The following PREX2 variants were observed in gnomAD, a reference collection of about 807,000 sequenced individuals.
PREX2 encodes the protein phosphatidylinositol-3,4,5-trisphosphate dependent Rac exchange factor 2.
PREX2 carries 107 observed loss-of-function variants against 203.2 expected under a neutral mutation model. The observed-to-expected ratio is 0.53, with a 90% CI of 0.45 to 0.62. PREX2 has a LOEUF of 0.62. PREX2 is among the 20% of genes least tolerant of loss of function. The pLI is 0.00. For synonymous variants in PREX2, 672 were observed against 663.6 expected (o/e 1.01, Z -0.19); for missense variants, 1,777 against 1,955.9 (o/e 0.91, Z 1.72).
intron 35 of PREX2, chr8:68,176,964 G>GT (rs1166671865): frequency 2.0e-5 from 3 of 150,634 alleles, no homozygotes; most frequent in Non-Finnish European, 4.4e-5. Flanking sequence ...AGAGACAATT[G>GT]TTAAAAAAAA....
rs1018478359 is a variant in PREX2 at position 68,231,613 on chromosome 8, G to C, written c.*235G>C. On this transcript the variant is annotated 3_prime_UTR_variant, in exon 40 of 40. Coordinates refer to ENST00000288368, the MANE Select transcript of PREX2 (RefSeq NM_024870.4). ...CAGCTTCACGAACTGATGTCTCTCT[G>C]TATTGACATTAAGTATTCACTTTTA... The C allele has an allele frequency of 2.7e-6, 1 of 372,890 alleles. No homozygotes were observed. 23.1% of individuals were successfully genotyped at this position (372,890 alleles called of 1,614,324 possible). A position where few individuals can be genotyped will look rare whatever the true frequency, so the allele number is the denominator to read the frequency against.
chr8:68,116,001 A>G lies in PREX2; in HGVS notation c.3326+69A>G, dbSNP rs1372176338. The G allele has an allele frequency of 5.8e-6, 8 of 1,390,652 alleles. No homozygotes were observed. In the East Asian group the frequency reaches 1.7e-4, roughly 29 times the overall value. 86.1% of individuals were successfully genotyped at this position (1,390,652 alleles called of 1,614,324 possible). On this transcript the variant is annotated intron_variant, in intron 26 of 39. Coordinates refer to ENST00000288368, the MANE Select transcript of PREX2 (RefSeq NM_024870.4). Reference sequence around the variant, plus strand: ...ATATGATGCTGGATTTTCCACAAAGATCTTGAAAAAAGTTTTTGATTGTTT... The same window carrying G: ...ATATGATGCTGGATTTTCCACAAAGGTCTTGAAAAAAGTTTTTGATTGTTT...
chr8:68,107,479 A>G (rs1810439861), intron 23 of PREX2, among the ~76,000 whole-genome samples: 1 of 152,182 alleles, frequency 6.6e-6, no homozygotes, highest in Non-Finnish European at 1.5e-5. Context: ...CATATAAATC[A>G]TGTGAGTATC....
At chr8:68,007,201 A>G (rs1017472815) in intron 1 of PREX2, among the ~76,000 whole-genome samples, 2 of 152,200 alleles carry the variant, frequency 1.3e-5, no homozygotes, top group Non-Finnish European at 2.9e-5. Context: ...TTTGAAACAT[A>G]AAAGGATTAT....
At chr8:68,077,345 C>A in intron 14 of PREX2, 52 bp from the exon 15 acceptor site, 1 of 1,315,616 alleles carries the variant, frequency 7.6e-7, no homozygotes, top group South Asian at 1.2e-5. Flanking sequence ...GCAAAGCTGC[C>A]ACAAAGCCTT....
rs373447999 is a variant in PREX2 at position 68,191,728 on chromosome 8, C to T, written c.4353C>T (p.Phe1451=). 5 of 1,607,100 alleles carry T rather than the reference C, an allele frequency of 3.1e-6. No homozygotes were observed. In the African/African-American group the frequency reaches 6.7e-5, roughly 21 times the overall value. Residue 1451 remains phenylalanine, a synonymous_variant, in exon 36 of 40, where the codon TTC becomes TTT. Coordinates refer to ENST00000288368, the MANE Select transcript of PREX2 (RefSeq NM_024870.4). ...ATTTCTTGGATTCTTACAGGGCATT[C>T]TACTTGGACAAGTCAAATTCACCAC... ...VKQYNQKLRA[F]YLDKSNSPPN...
intron 34 of PREX2, among the ~76,000 whole-genome samples, chr8:68,150,106 A>G (rs1811403595): frequency 6.6e-6 from 1 of 152,198 alleles, no homozygotes; most frequent in Non-Finnish European, 1.5e-5. Flanking sequence ...CTATCACAGC[A>G]GCCGGGCAAT....
chr8:68,119,101 G>C (rs895694589), intron 27 of PREX2, among the ~76,000 whole-genome samples: 1 of 152,152 alleles, frequency 6.6e-6, no homozygotes, highest in African/African-American at 2.4e-5. Flanking sequence ...TATCTTGTGT[G>C]TGTTAAGAAC....
chr8:68,037,264 T>C (rs1350640993), intron 6 of PREX2, among the ~76,000 whole-genome samples: 6 of 152,232 alleles, frequency 3.9e-5, no homozygotes, highest in Non-Finnish European at 7.3e-5. Context: ...GAAAGTCTCT[T>C]GCAGAGCACA....
chr8:68,154,851 G>GATACTTAT (rs1563567991), intron 34 of PREX2, among the ~76,000 whole-genome samples: 1 of 152,188 alleles, frequency 6.6e-6, no homozygotes. Flanking sequence ...GTGAGGTCCA[G>GATACTTAT]ATACTTATAT....
intron 35 of PREX2, among the ~76,000 whole-genome samples, chr8:68,185,844 A>G (rs543762616): frequency 6.7e-6 from 1 of 148,530 alleles, no homozygotes; most frequent in Admixed American, 6.7e-5. Flanking sequence ...GCCCATATAA[A>G]ATAGTAGCCA....
chr8:68,085,503 T>C (rs550199397), intron 18 of PREX2, among the ~76,000 whole-genome samples: 1 of 152,302 alleles, frequency 6.6e-6, no homozygotes, highest in African/African-American at 2.4e-5. Flanking sequence ...ATATGAGAGA[T>C]AAATGCAAAA....
At position 68,087,767 on chromosome 8, in the gene PREX2, A is replaced by G; in HGVS notation, c.2071A>G (p.Ile691Val). 6.2e-7 allele frequency: 1 copy of G among 1,613,976 alleles called. No individual in the cohort carries two copies. Among genetic ancestry groups the G allele is most frequent in the Non-Finnish European group, 8.5e-7 (1 of 1,179,864 alleles). Residue 691 changes from isoleucine (I) to valine (V), a missense_variant, in exon 19 of 40, where the codon ATC (isoleucine) becomes GTC (valine). Coordinates refer to ENST00000288368, the MANE Select transcript of PREX2 (RefSeq NM_024870.4). ...PDSADGLGFQ[I>V]RGFGPSVVHA... ...TTCAGCTGATGGACTTGGCTTCCAG[A>G]TCCGGGGATTTGGCCCTTCTGTTGT...
intron 18 of PREX2, among the ~76,000 whole-genome samples, chr8:68,083,751 A>G (rs1809600326): frequency 6.6e-6 from 1 of 152,222 alleles, no homozygotes. Flanking sequence ...CTATCAGATG[A>G]TTAGATACCA....
chr8:68,071,099 A>T (rs1167908025), intron 13 of PREX2, among the ~76,000 whole-genome samples: 1 of 152,132 alleles, frequency 6.6e-6, no homozygotes, highest in Non-Finnish European at 1.5e-5. Context: ...ACCTGTGTAT[A>T]TGTAGGTTTT....
At chr8:68,137,230 A>G (rs1469646145) in intron 32 of PREX2, among the ~76,000 whole-genome samples, 1 of 150,110 alleles carries the variant, frequency 6.7e-6, no homozygotes, top group Non-Finnish European at 1.5e-5. Flanking sequence ...CAAATGCTGT[A>G]TACAACATGT....
intron 3 of PREX2, among the ~76,000 whole-genome samples, chr8:68,021,657 C>G (rs1807570833): frequency 6.6e-6 from 1 of 152,194 alleles, no homozygotes; most frequent in African/African-American, 2.4e-5. Flanking sequence ...ATTGATTGAT[C>G]TTTCTTCTAC....
chr8:68,170,246 G>A (rs1295523097), intron 35 of PREX2, among the ~76,000 whole-genome samples: 1 of 152,214 alleles, frequency 6.6e-6, no homozygotes, highest in Non-Finnish European at 1.5e-5. Context: ...GCTGTATGTA[G>A]GCCATTGTAG....
chr8:68,149,108 G>C (rs1811382122), intron 34 of PREX2, among the ~76,000 whole-genome samples: 1 of 152,140 alleles, frequency 6.6e-6, no homozygotes, highest in Non-Finnish European at 1.5e-5. Flanking sequence ...AATTTTCCTA[G>C]GAAATTTACT....
Sources: gnomAD v4.1 joint callset for allele counts (sites outside exome capture counted in the v4.1 genomes callset) on GRCh38, gnomAD v4.1.1 for gene constraint, MANE v1.5 for transcripts, NCBI Gene and HGNC (gene_info 2026-07-23, HGNC 2026-07-21) for gene names.